SIPA1: variants seen among roughly 807,000 people sequenced by gnomAD.
SIPA1 encodes signal-induced proliferation-associated 1.
SIPA1 carries 51 observed loss-of-function variants against 88.1 expected under a neutral mutation model. The ratio of observed to expected loss-of-function variants is 0.58; its 90% CI spans 0.46 to 0.73. The LOEUF is 0.73. Among genes scored for constraint, SIPA1 ranks in the 30% least tolerant of loss-of-function variants. The pLI is 0.00. For missense variants in SIPA1, 1,348 were observed against 1,467.6 expected (o/e 0.92, Z 1.33); for synonymous variants, 681 against 664.8 (o/e 1.02, Z -0.37).
intron 4 of SIPA1, among the ~76,000 whole-genome samples, chr11:65,643,510 G>T (rs1249961791): frequency 6.6e-6 from 1 of 152,228 alleles, no homozygotes; most frequent in Non-Finnish European, 1.5e-5. Flanking sequence ...CTGGGGACAG[G>T]TCTAGACCAG....
chr11:65,639,651 A>G (rs1417825731), intron 1 of SIPA1, among the ~76,000 whole-genome samples: 1 of 150,554 alleles, frequency 6.6e-6, no homozygotes, highest in Non-Finnish European at 1.5e-5. Flanking sequence ...GAGGTTCCCC[A>G]GCTCCCTGTC....
rs769610786 is a variant in SIPA1 at position 65,645,038 on chromosome 11, G to A, written c.1068G>A (p.Ala356=). The change falls in exon 5 of 16, where the codon GCG becomes GCA. Residue 356 remains alanine (A), a synonymous_variant. Coordinates refer to ENST00000534313, the MANE Select transcript of SIPA1 (RefSeq NM_006747.4). ...SEEEMYNNQE[A]GPAFMQFLTL... Reference sequence around the variant, plus strand: ...AGGAGATGTACAACAACCAGGAGGCGGGACCGGCCTTCATGCAGTTTCTCA... The same window carrying A: ...AGGAGATGTACAACAACCAGGAGGCAGGACCGGCCTTCATGCAGTTTCTCA... 1.4e-5 allele frequency: 23 copies of A among 1,613,958 alleles called. No homozygotes were observed. The highest frequency in any genetic ancestry group is 4.0e-5 in the African/African-American group (3 of 74,916).
Position 65,647,394 on chromosome 11 carries a change from G to C in SIPA1, c.2042G>C (p.Arg681Pro), listed in dbSNP as rs1293593554. 1.4e-6 allele frequency: 2 copies of C among 1,453,012 alleles called. No individual in the cohort carries two copies. The highest frequency in any genetic ancestry group is 3.0e-5 in the East Asian group (1 of 32,850). The allele number at this position is 1,453,012 out of a possible 1,614,324, so 90.0% of individuals were successfully genotyped here. A position where few individuals can be genotyped will look rare whatever the true frequency, so the allele number is the denominator to read the frequency against. ...EVVARLQLVSRGCETRELALP... is the reference protein window; with the variant it reads ...EVVARLQLVSPGCETRELALP... ...CCGCCCCGTCCGCAGCTGGTGAGCCGTGGCTGCGAGACCCGCGAGCTGGCG... is the reference window on the plus strand; with the variant it reads ...CCGCCCCGTCCGCAGCTGGTGAGCCCTGGCTGCGAGACCCGCGAGCTGGCG... Residue 681 changes from arginine to proline, a missense_variant, in exon 9 of 16, where the codon CGT becomes CCT. By Grantham distance (103) the Arg-to-Pro change is moderately radical (BLOSUM62 -2). This residue lies in a region of SIPA1 where 615 missense variants were observed against 559.8 expected (regional missense o/e 1.10). Coordinates refer to ENST00000534313, the MANE Select transcript of SIPA1 (RefSeq NM_006747.4).
At position 65,646,440 on chromosome 11, in the gene SIPA1, G is replaced by C; in HGVS notation, c.1422-16G>C. 6.3e-7 allele frequency: 1 copy of C among 1,591,762 alleles called. No homozygotes were observed. Among genetic ancestry groups the C allele is most frequent in the Non-Finnish European group, 8.5e-7 (1 of 1,173,038 alleles). On this transcript the variant is annotated splice_polypyrimidine_tract_variant and intron_variant, in intron 7 of 15. Transcript: ENST00000534313. The surrounding 1 kb of genome is among the most constrained non-coding windows in gnomAD (Gnocchi z 7.5). Reference sequence around the variant, plus strand: ...TGGAGTCCTGCCGCCCCTCACTAACGCCTCCCTCCCCGCAGGGTGGCCGTG... The same window carrying C: ...TGGAGTCCTGCCGCCCCTCACTAACCCCTCCCTCCCCGCAGGGTGGCCGTG...
rs1590924277 is a variant in SIPA1 at position 65,647,669 on chromosome 11, C to G, written c.2306+11C>G. On this transcript the variant is annotated intron_variant, in intron 9 of 15. Coordinates refer to ENST00000534313, the MANE Select transcript of SIPA1 (RefSeq NM_006747.4). ...CGGCCGGCCCCGCAGGTCAGGGTGC[C>G]GGGGACGCGGGGAGGTGGGAGGGCC... The G allele has an allele frequency of 7.5e-7, 1 of 1,337,124 alleles. No homozygotes were observed. Among genetic ancestry groups the G allele is most frequent in the Non-Finnish European group, 9.5e-7 (1 of 1,047,702 alleles). The allele number at this position is 1,337,124 out of a possible 1,614,324, so 82.8% of individuals were successfully genotyped here.
intron 9 of SIPA1, among the ~76,000 whole-genome samples, chr11:65,648,561 C>T (rs895366067): frequency 1.3e-5 from 2 of 152,190 alleles, no homozygotes; most frequent in African/African-American, 2.4e-5. Context: ...GGACCGGGCG[C>T]GGTGGCTCAT....
At chr11:65,641,740 G>A in intron 2 of SIPA1, 140 bp downstream of exon 2, 1 of 803,882 alleles carries the variant, frequency 1.2e-6, no homozygotes, top group South Asian at 1.8e-5. Context: ...GAGCTGAGCT[G>A]GGGTCCTCCT....
intron 8 of SIPA1, 81 bp downstream of exon 8, chr11:65,647,146 TC>T: frequency 7.1e-7 from 1 of 1,417,316 alleles, no homozygotes; most frequent in African/African-American, 1.5e-5. Context: ...GCCGCCTTTG[TC>T]CCCTACTCCT....
intron 9 of SIPA1, 108 bp downstream of exon 9, chr11:65,647,766 C>T (rs1241532042): frequency 2.2e-6 from 2 of 889,278 alleles, no homozygotes; most frequent in African/African-American, 1.8e-5. Context: ...GTGTGGATAC[C>T]TTTCCTTCTG....
In SIPA1 at chr11:65,646,290, T is replaced by C; in HGVS notation, c.1333T>C (p.Phe445Leu). The change falls in exon 7 of 16, where the codon TTC becomes CTC. Residue 445 changes from phenylalanine (F) to leucine (L), a missense_variant. Physicochemically the swap from Phe to Leu is conservative, Grantham distance 22. Coordinates refer to ENST00000534313, the MANE Select transcript of SIPA1 (RefSeq NM_006747.4). This position sits in a 1 kb window ranked among gnomAD's most constrained non-coding sequence, Gnocchi z 7.5. Reference protein sequence around the residue: ...IVFQEPGSKPFCPTTIRSHFQ... With the variant: ...IVFQEPGSKPLCPTTIRSHFQ... The stretch of plus-strand genomic sequence containing the variant: ...GTTCCAGGAGCCTGGCAGCAAGCCC[T>C]TCTGCCCCACCACCATCCGCTCGCA... 6.2e-7 allele frequency: 1 copy of C among 1,614,122 alleles called. No individual in the cohort carries two copies. Among genetic ancestry groups the C allele is most frequent in the Non-Finnish European group, 8.5e-7 (1 of 1,179,996 alleles).
In SIPA1 at chr11:65,646,483, C is replaced by T; in HGVS notation, c.1449C>T (p.Thr483=). 1 of 1,583,014 alleles carries T rather than the reference C, an allele frequency of 6.3e-7. No homozygotes were observed. Among genetic ancestry groups the T allele is most frequent in the Non-Finnish European group, 8.5e-7 (1 of 1,170,832 alleles). ...YRVAVSRTQD[T]PAFGPALPAG... ...TGGCCGTGAGCCGCACCCAGGACAC[C>T]CCTGCCTTCGGGCCAGCTCTGCCTG... Residue 483 remains threonine (T), a synonymous_variant, in exon 8 of 16, where the codon ACC becomes ACT. Coordinates refer to ENST00000534313, the MANE Select transcript of SIPA1 (RefSeq NM_006747.4). This position sits in a 1 kb window ranked among gnomAD's most constrained non-coding sequence, Gnocchi z 7.5.
At chr11:65,649,172 G>A (rs1386616480) in intron 9 of SIPA1, 90 bp from the exon 10 acceptor site, 11 of 942,242 alleles carry the variant, frequency 1.2e-5, no homozygotes, top group African/African-American at 1.7e-5. Context: ...TCCTGCTCCT[G>A]GAAGTGAGCC....
intron 8 of SIPA1, 66 bp downstream of exon 8, chr11:65,647,131 C>G: frequency 7.0e-7 from 1 of 1,423,434 alleles, no homozygotes; most frequent in South Asian, 1.5e-5. Context: ...GGACCCCTCC[C>G]TCCCGCCGCC....
At chr11:65,647,776 G>C (rs1179727453) in intron 9 of SIPA1, 118 bp downstream of exon 9, 1 of 783,126 alleles carries the variant, frequency 1.3e-6, no homozygotes, top group East Asian at 4.2e-5. Context: ...CTTTCCTTCT[G>C]GAAAGAATCT....
intron 1 of SIPA1, among the ~76,000 whole-genome samples, chr11:65,640,556 G>T (rs925168035): frequency 1.3e-5 from 2 of 152,250 alleles, no homozygotes; most frequent in African/African-American, 4.8e-5. Context: ...TGTGTGGGTG[G>T]CGACTGGGGG....
intron 5 of SIPA1, 185 bp from the exon 6 acceptor site, chr11:65,645,666 AGAG>A: frequency 1.8e-6 from 1 of 548,632 alleles, no homozygotes; most frequent in South Asian, 2.5e-5. Context: ...CTGTGGAGGG[AGAG>A]GAGGAGGGGC....
In SIPA1 at chr11:65,650,425, G is replaced by A; in HGVS notation, c.2928G>A (p.Glu976=). The A allele has an allele frequency of 1.2e-6, 2 of 1,614,160 alleles. No homozygotes were observed. The highest frequency in any genetic ancestry group is 1.7e-6 in the Non-Finnish European group (2 of 1,180,016). Residue 976 remains glutamate, a synonymous_variant, in exon 15 of 16, where the codon GAG becomes GAA. Coordinates refer to ENST00000534313, the MANE Select transcript of SIPA1 (RefSeq NM_006747.4). ...GGCCAGAGCCTGGGAACCTCTCAGA[G>A]AAGGTCTCTCACTTGGAGTCCATGC... ...DAEPEPGNLS[E]KVSHLESMLR... is the part of the protein sequence containing the mutation.
In SIPA1 at chr11:65,649,385, GT is replaced by G; in HGVS notation, c.2431del (p.Cys811AlafsTer67). The G allele has an allele frequency of 6.3e-7, 1 of 1,577,182 alleles. No individual in the cohort carries two copies. The highest frequency in any genetic ancestry group is 8.6e-7 in the Non-Finnish European group (1 of 1,161,052). ...LPTTKQLLHL[C>X]LQDGGSPPGP... is the part of the protein sequence containing the mutation. ...CCACCACAAAGCAGCTGCTGCACCT[GT>G]GCCTGCAAGATGGTGGCAGTCCTCC... On this transcript the variant is annotated frameshift_variant, in exon 10 of 16. Transcript: ENST00000534313. LOFTEE classifies it high-confidence loss of function.
rs373521999 is a variant in SIPA1, at chr11:65,650,429, G to T, written c.2932G>T (p.Val978Phe). The change falls in exon 15 of 16, where the codon GTC becomes TTC. Residue 978 changes from valine to phenylalanine, a missense_variant. Physicochemically the swap from Val to Phe is conservative, Grantham distance 50. Transcript: ENST00000534313. Reference sequence around the variant, plus strand: ...AGAGCCTGGGAACCTCTCAGAGAAGGTCTCTCACTTGGAGTCCATGCTCAG... The same window carrying T: ...AGAGCCTGGGAACCTCTCAGAGAAGTTCTCTCACTTGGAGTCCATGCTCAG... The part of the protein sequence containing the change: ...EPEPGNLSEK[V>F]SHLESMLRKL... The T allele has an allele frequency of 1.9e-5, 31 of 1,613,980 alleles. No individual in the cohort carries two copies. The highest frequency in any genetic ancestry group is 2.5e-5 in the Non-Finnish European group (30 of 1,180,020).
Sources: gnomAD v4.1 joint callset for allele counts (sites outside exome capture counted in the v4.1 genomes callset) on GRCh38, gnomAD v4.1.1 for gene constraint, gnomAD v4.1.1 regional missense constraint, Gnocchi (gnomAD v3.1) non-coding constraint, MANE v1.5 for transcripts, NCBI Gene and HGNC (gene_info 2026-07-23, HGNC 2026-07-21) for gene names.